PARD3: variants seen among roughly 807,000 people sequenced by gnomAD.
PARD3 encodes the protein partitioning defective 3 homolog.
PARD3 carries 75 observed loss-of-function variants against 155.4 expected under a neutral mutation model. The observed-to-expected ratio is 0.48, with a 90% CI of 0.40 to 0.58. The LOEUF (loss-of-function observed/expected upper bound fraction) is 0.58. Among genes scored for constraint, PARD3 ranks in the 20% least tolerant of loss-of-function variants. The probability of loss-of-function intolerance (pLI) is 0.00; values close to 1 mark genes in which losing one functional copy is unlikely to be tolerated. For missense variants in PARD3, 1,642 were observed against 1,721.7 expected (o/e 0.95, Z 0.82); for synonymous variants, 576 against 610.5 (o/e 0.94, Z 0.83).
Position 34,183,742 on chromosome 10 carries a change from T to C in PARD3, c.3420-52159A>G, listed in dbSNP as rs186027062. 3.9e-5 allele frequency among the ~76,000 whole-genome samples: 6 copies of C among 152,342 alleles called. No individual in the cohort carries two copies. In the East Asian group the frequency reaches 1.2e-3, roughly 29 times the overall value. ...AAGCAACCACTTTTCTGCCGCACAC[T>C]GGGTTTCTCTTTGTTCCAAGCCCCC... On this transcript the variant is annotated intron_variant, in intron 22 of 24. Coordinates refer to ENST00000374788, the MANE Select transcript of PARD3 (RefSeq NM_001184785.2).
chr10:34,705,324 T>A (rs1024175609), intron 1 of PARD3, among the ~76,000 whole-genome samples: 1 of 152,074 alleles, frequency 6.6e-6, no homozygotes, highest in African/African-American at 2.4e-5. Context: ...CTTGTTGTTA[T>A]TTTTGGTTTT....
chr10:34,553,741 C>T (rs981024179), intron 2 of PARD3, among the ~76,000 whole-genome samples: 2 of 152,122 alleles, frequency 1.3e-5, no homozygotes, highest in Non-Finnish European at 2.9e-5. Context: ...ATTTTATTAA[C>T]CCCCTTGGAT....
intron 16 of PARD3, among the ~76,000 whole-genome samples, chr10:34,338,093 C>T (rs903831205): frequency 6.6e-6 from 1 of 152,166 alleles, no homozygotes; most frequent in African/African-American, 2.4e-5. Context: ...AAATACTAAA[C>T]CAGAAGTCTG....
At chr10:34,557,297 C>T (rs1397367275) in intron 2 of PARD3, among the ~76,000 whole-genome samples, 1 of 152,072 alleles carries the variant, frequency 6.6e-6, no homozygotes, top group Non-Finnish European at 1.5e-5. Flanking sequence ...CAGTACCCAA[C>T]ACATCATACA....
In PARD3 at chr10:34,429,389, CT is replaced by C. The variant is rs75681687; in HGVS notation, c.714+20927del. ...ATTAGAACCACAAGTAAATAAAAAT[CT>C]TTTTTTTTTTTTTCCTTTTTTTGAG... On this transcript the variant is annotated intron_variant, in intron 5 of 24. Transcript: ENST00000374788. 2.1e-3 allele frequency among the ~76,000 whole-genome samples: 285 copies of C among 138,896 alleles called. 1 individual carries two copies. Among genetic ancestry groups the C allele is most frequent in the Middle Eastern group, 7.7e-3 (2 of 260 alleles). 91.1% of individuals were successfully genotyped at this position (138,896 alleles called of 152,430 possible). A position where few individuals can be genotyped will look rare whatever the true frequency, so the allele number is the denominator to read the frequency against.
intron 17 of PARD3, among the ~76,000 whole-genome samples, chr10:34,336,965 A>G (rs1035928894): frequency 2.0e-5 from 3 of 150,654 alleles, no homozygotes; most frequent in Non-Finnish European, 3.0e-5. Context: ...GGTTTTAAAT[A>G]GCCAAAGTGT....
intron 1 of PARD3, among the ~76,000 whole-genome samples, chr10:34,724,733 A>G (rs1323706832): frequency 6.6e-6 from 1 of 152,220 alleles, no homozygotes; most frequent in Non-Finnish European, 1.5e-5. Context: ...GAGGTGAAGA[A>G]GAGCTCTGGG....
At chr10:34,693,414 C>T (rs1487112630) in intron 2 of PARD3, among the ~76,000 whole-genome samples, 1 of 152,136 alleles carries the variant, frequency 6.6e-6, no homozygotes, top group South Asian at 2.1e-4. Context: ...GAACACTAGG[C>T]AGCCATAAAA....
At chr10:34,789,165 G>A in intron 1 of PARD3, among the ~76,000 whole-genome samples, 1 of 152,130 alleles carries the variant, frequency 6.6e-6, no homozygotes, top group East Asian at 1.9e-4. Context: ...AGTGGCTCAC[G>A]CCCATAATCC....
intron 20 of PARD3, among the ~76,000 whole-genome samples, chr10:34,307,014 G>C (rs1957446562): frequency 2.0e-5 from 3 of 151,598 alleles, no homozygotes; most frequent in Non-Finnish European, 4.4e-5. Context: ...AGCCTCCCAA[G>C]TAGCTGGGAC....
intron 2 of PARD3, among the ~76,000 whole-genome samples, chr10:34,619,691 A>T (rs906488403): frequency 6.6e-6 from 1 of 152,302 alleles, no homozygotes; most frequent in Admixed American, 6.5e-5. Flanking sequence ...TATTTAATGG[A>T]GTCTCAGAAT....
intron 22 of PARD3, among the ~76,000 whole-genome samples, chr10:34,265,324 G>A (rs1955246390): frequency 1.3e-5 from 2 of 152,156 alleles, no homozygotes. Flanking sequence ...GTCCCATTTT[G>A]ATGCCAAATT....
At position 34,630,802 on chromosome 10, in the gene PARD3, G is replaced by GATTTATTTATTT. The variant is rs111251881; in HGVS notation, c.222+65504_222+65515dup. Among the ~76,000 whole-genome samples the GATTTATTTATTT allele has an allele frequency of 7.5e-4, 110 of 146,250 alleles. 1 individual carries two copies. The highest frequency in any genetic ancestry group is 2.4e-3 in the East Asian group (12 of 4,904). ...ACACACATAGTGATTTCTGTAAACA[G>GATTTATTTATTT]ATTTATTTATTTATTTATTTATTTA... On this transcript the variant is annotated intron_variant, in intron 2 of 24. Coordinates refer to ENST00000374788, the MANE Select transcript of PARD3 (RefSeq NM_001184785.2).
chr10:34,735,692 T>A (rs1268913240), intron 1 of PARD3, among the ~76,000 whole-genome samples: 1 of 152,220 alleles, frequency 6.6e-6, no homozygotes, highest in African/African-American at 2.4e-5. Flanking sequence ...AAGATTCTCA[T>A]CAGGCCCTTT....
intron 3 of PARD3, among the ~76,000 whole-genome samples, chr10:34,496,890 A>C (rs60009061): frequency 0.52 from 78,424 of 152,112 alleles, 23,801 homozygotes; most frequent in African/African-American, 0.86. Flanking sequence ...TTTAACGTTT[A>C]AAAATAGTAT....
At chr10:34,133,496 T>C (rs1947725832) in intron 22 of PARD3, among the ~76,000 whole-genome samples, 1 of 152,128 alleles carries the variant, frequency 6.6e-6, no homozygotes, top group South Asian at 2.1e-4. Context: ...GAACCACATC[T>C]TCTTCTTATC....
chr10:34,707,770 A>G (rs1287705372), intron 1 of PARD3, among the ~76,000 whole-genome samples: 1 of 152,158 alleles, frequency 6.6e-6, no homozygotes. Context: ...GTCCTTTCTC[A>G]GTGTTATTTC....
chr10:34,794,777 G>C (rs1214260286), intron 1 of PARD3, among the ~76,000 whole-genome samples: 1 of 152,206 alleles, frequency 6.6e-6, no homozygotes, highest in African/African-American at 2.4e-5. Flanking sequence ...AGCTTCAAAA[G>C]TTCAGGACAT....
chr10:34,235,634 A>G (rs1588883759), intron 22 of PARD3, among the ~76,000 whole-genome samples: 1 of 152,234 alleles, frequency 6.6e-6, no homozygotes, highest in Middle Eastern at 3.4e-3. Flanking sequence ...AAACAAACAA[A>G]TGTGTGTGTG....
Sources: allele counts gnomAD v4.1 joint callset (sites outside exome capture counted in the v4.1 genomes callset), GRCh38; gene constraint gnomAD v4.1.1; transcripts MANE v1.5; gene names NCBI Gene and HGNC (gene_info 2026-07-23, HGNC 2026-07-21).